The following GLYR1 variants were observed in gnomAD, a reference collection of about 807,000 sequenced individuals.
The protein encoded by GLYR1 is cytokine-like nuclear factor N-PAC.
GLYR1 carries 21 observed loss-of-function variants against 72.7 expected under a neutral mutation model. That is an observed-to-expected ratio of 0.29 (90% confidence interval 0.20 to 0.42). The LOEUF (loss-of-function observed/expected upper bound fraction) is 0.42. Ranked by LOEUF, GLYR1 falls within the 10% of genes least tolerant of loss-of-function variation. The probability of loss-of-function intolerance (pLI) is 1.00; values close to 1 mark genes in which losing one functional copy is unlikely to be tolerated. For missense variants in GLYR1, 594 were observed against 712.1 expected, an observed-to-expected ratio of 0.83 and a Z score of 1.89; for synonymous variants, 392 against 270.2, an observed-to-expected ratio of 1.45 and a Z score of -4.42.
chr16:4,836,990 G>A (rs2085178336), intron 3 of GLYR1, among the ~76,000 whole-genome samples: 1 of 152,088 alleles, frequency 6.6e-6, no homozygotes, highest in Admixed American at 6.5e-5. Context: ...AATTTACCCT[G>A]GTGACCTGAC....
Position 4,804,712 on chromosome 16 carries a change from T to C in GLYR1, c.*524A>G, listed in dbSNP as rs1882065564. 6.1e-6 allele frequency: 1 copy of C among 164,732 alleles called. No individual in the cohort carries two copies. The highest frequency in any genetic ancestry group is 5.7e-5 in the Admixed American group (1 of 17,660). The allele number at this position is 164,732 out of a possible 1,614,324, so 10.2% of individuals were successfully genotyped here. On this transcript the variant is annotated 3_prime_UTR_variant, in exon 16 of 16. Coordinates refer to ENST00000321919, the MANE Select transcript of GLYR1 (RefSeq NM_032569.4). ...CCCAAGGGCCCCTCTGTCTGGAGTC[T>C]GTACTGGCTCATCTGGGCCCAAGGC...
chr16:4,843,768 T>C (rs951037555), intron 3 of GLYR1: 1 of 524,402 alleles, frequency 1.9e-6, no homozygotes, highest in African/African-American at 2.1e-5. Flanking sequence ...TGTATTTTCC[T>C]ATAAGAATAA....
chr16:4,817,728 G>A, intron 9 of GLYR1, 31 bp from the exon 10 acceptor site: 2 of 1,359,764 alleles, frequency 1.5e-6, no homozygotes, highest in Non-Finnish European at 2.1e-6. Context: ...TGAGTTCAGG[G>A]TGGAAAGGGA....
chr16:4,812,301 G>A, intron 12 of GLYR1, 53 bp from the exon 13 acceptor site: 1 of 1,571,358 alleles, frequency 6.4e-7, no homozygotes, highest in Non-Finnish European at 8.6e-7. Flanking sequence ...AGCGCTCTCT[G>A]GGCAGGACTC....
chr16:4,843,440 G>C, intron 3 of GLYR1: 2 of 1,208,636 alleles, frequency 1.7e-6, no homozygotes, highest in Non-Finnish European at 2.1e-6. Context: ...CAGGCCTGAG[G>C]CACCATGCCC....
intron 9 of GLYR1, 132 bp from the exon 10 acceptor site, chr16:4,817,829 G>C (rs1026311212): frequency 5.6e-5 from 37 of 665,232 alleles, no homozygotes; most frequent in Admixed American, 2.4e-5. Context: ...AAACAGCAGT[G>C]GCCAATCTAC....
intron 5 of GLYR1, among the ~76,000 whole-genome samples, chr16:4,829,825 A>T (rs969786363): frequency 1.3e-5 from 2 of 152,092 alleles, no homozygotes; most frequent in African/African-American, 2.4e-5. Context: ...GGAGCGTGCC[A>T]CCACACTCGG....
chr16:4,816,342 C>A (rs2083641456), intron 10 of GLYR1, among the ~76,000 whole-genome samples: 1 of 152,064 alleles, frequency 6.6e-6, no homozygotes. Flanking sequence ...GATGGAGTCT[C>A]ATGTTGTCCA....
intron 15 of GLYR1, among the ~76,000 whole-genome samples, chr16:4,808,625 A>G (rs1295886014): frequency 5.3e-5 from 8 of 152,156 alleles, no homozygotes. Context: ...AAAATAAAAT[A>G]ACATAAAATA....
At chr16:4,844,993 T>A in intron 3 of GLYR1, 81 bp downstream of exon 3, 1 of 910,702 alleles carries the variant, frequency 1.1e-6, no homozygotes, top group Non-Finnish European at 1.8e-6. Context: ...CTAAGGATCC[T>A]TAGAATATTT....
At chr16:4,833,116 C>G (rs1210048049) in intron 3 of GLYR1, 4 of 430,312 alleles carry the variant, frequency 9.3e-6, no homozygotes, top group Non-Finnish European at 1.6e-5. Context: ...TCAAGCAGAA[C>G]AACCATCACC....
intron 5 of GLYR1, among the ~76,000 whole-genome samples, chr16:4,827,484 A>T (rs1057003890): frequency 6.6e-6 from 1 of 152,196 alleles, no homozygotes; most frequent in African/African-American, 2.4e-5. Context: ...AACAGGCAGG[A>T]AGGACACCTC....
rs1321539216 is a variant in GLYR1 at position 4,806,609 on chromosome 16, CCTCG to C, written c.1588-1303_1588-1300del. Among the ~76,000 whole-genome samples the C allele has an allele frequency of 7.8e-3, 1,181 of 151,320 alleles. 10 individuals carry two copies. The highest frequency in any genetic ancestry group is 0.027 in the African/African-American group (1,130 of 41,094). On this transcript the variant is annotated intron_variant, in intron 15 of 15. Coordinates refer to ENST00000321919, the MANE Select transcript of GLYR1 (RefSeq NM_032569.4). ...TCTCAAACTCCTGGGCTTGCTTAAGCCTCGACCCTGCCTCGACCCTGCCTCGACC... is the reference window on the plus strand; with the variant it reads ...TCTCAAACTCCTGGGCTTGCTTAAGCACCCTGCCTCGACCCTGCCTCGACC...
In GLYR1 at chr16:4,833,024, C is replaced by A. The variant is rs2084894424; in HGVS notation, c.156-112G>T. 21 of 957,032 alleles carry A rather than the reference C, an allele frequency of 2.2e-5. No homozygotes were observed. The South Asian group carries it at 3.2e-4, about 15-fold the overall frequency. The allele number at this position is 957,032 out of a possible 1,614,324, so 59.3% of individuals were successfully genotyped here. A position where few individuals can be genotyped will look rare whatever the true frequency, so the allele number is the denominator to read the frequency against. ...ATCCATTTGGTTTAACTGGACTTTG[C>A]AATAGGCCTTGCCATTTCTTTCAAA... On this transcript the variant is annotated intron_variant, in intron 3 of 15. Coordinates refer to ENST00000321919, the MANE Select transcript of GLYR1 (RefSeq NM_032569.4).
intron 7 of GLYR1, 76 bp from the exon 8 acceptor site, chr16:4,821,673 T>C: frequency 7.2e-7 from 1 of 1,379,366 alleles, no homozygotes; most frequent in African/African-American, 1.4e-5. Flanking sequence ...CCCTCAAAGG[T>C]TAGACCCAAA....
At chr16:4,829,861 C>CG (rs746655000) in intron 5 of GLYR1, among the ~76,000 whole-genome samples, 2 of 152,014 alleles carry the variant, frequency 1.3e-5, no homozygotes, top group Non-Finnish European at 2.9e-5. Flanking sequence ...TTAGTAGAGA[C>CG]GGGGTTTCTC....
intron 3 of GLYR1, among the ~76,000 whole-genome samples, chr16:4,834,894 C>T (rs1203657131): frequency 4.6e-5 from 7 of 152,186 alleles, no homozygotes; most frequent in African/African-American, 9.6e-5. Context: ...TGAACTGACT[C>T]CGTTCCCTCT....
intron 5 of GLYR1, among the ~76,000 whole-genome samples, chr16:4,828,138 C>T (rs368043044): frequency 3.3e-5 from 5 of 151,420 alleles, no homozygotes; most frequent in African/African-American, 9.7e-5. Context: ...GGCGTGATCT[C>T]GGCTCACTTC....
chr16:4,829,522 T>C (rs1490864692), intron 5 of GLYR1, among the ~76,000 whole-genome samples: 1 of 151,966 alleles, frequency 6.6e-6, no homozygotes, highest in Non-Finnish European at 1.5e-5. Flanking sequence ...GGTCTCGCTG[T>C]GTCACCCAGA....
Sources: allele counts gnomAD v4.1 joint callset (sites outside exome capture counted in the v4.1 genomes callset), GRCh38; gene constraint gnomAD v4.1.1; transcripts MANE v1.5; gene names NCBI Gene and HGNC (gene_info 2026-07-23, HGNC 2026-07-21).